Variants in FAT2 observed in about 807,000 individuals in gnomAD.
FAT2 encodes the protein protocadherin Fat 2.
A neutral mutation model predicts 295.3 loss-of-function variants in FAT2; 150 were observed. The observed-to-expected ratio is 0.51, with a 90% confidence interval of 0.44 to 0.58. FAT2 has a LOEUF of 0.58. Among genes scored for constraint, FAT2 ranks in the 20% least tolerant of loss-of-function variants. The pLI, the probability that FAT2 is intolerant of heterozygous loss-of-function variation, is 0.00. For synonymous variants in FAT2, 2,026 were observed against 2,150.3 expected (o/e 0.94, Z 1.60); for missense variants, 4,868 against 5,442.7 (o/e 0.89, Z 3.32).
upstream of FAT2, among the ~76,000 whole-genome samples, chr5:151,591,871 G>T (rs569213160): frequency 3.3e-5 from 5 of 152,284 alleles, no homozygotes; most frequent in African/African-American, 4.8e-5. Flanking sequence ...ATGAGATAAA[G>T]GTTGCTAAGA....
chr5:151,567,659 C>CCACTCT lies in FAT2; in HGVS notation c.1272_1273insAGAGTG (p.His424_Asp425insArgVal). ...ATGTGTAGCTGATAGTGGGCTCTGT[C>CCACTCT]GTGGAAGTCCATGAGCTTTGTGGTG... On this transcript the variant is annotated inframe_insertion, in exon 2 of 24. Coordinates refer to ENST00000261800, the MANE Select transcript of FAT2 (RefSeq NM_001447.3). 1.2e-6 allele frequency: 2 copies of CCACTCT among 1,614,060 alleles called. No homozygotes were observed. The highest frequency in any genetic ancestry group is 1.7e-6 in the Non-Finnish European group (2 of 1,180,012).
intron 1 of FAT2, among the ~76,000 whole-genome samples, chr5:151,581,371 G>T (rs1407946435): frequency 6.6e-6 from 1 of 152,154 alleles, no homozygotes; most frequent in Non-Finnish European, 1.5e-5. Flanking sequence ...TTATATCGGA[G>T]GGCCAAGCAG....
chr5:151,512,367 A>C lies in FAT2; in HGVS notation c.11703T>G (p.Ser3901=). ...CAAAGCCCTGGGAGACATTCGAGGA[A>C]GAATGCAACAGAATGAGGCCGCCCA... ...LLLGGLILLH[S]SSNVSQGFEG... Residue 3901 remains serine (S), a synonymous_variant, in exon 21 of 24, where the codon TCT becomes TCG. Transcript: ENST00000261800. The surrounding 1 kb of genome is among the most constrained non-coding windows in gnomAD (Gnocchi z 4.1). The C allele has an allele frequency of 1.2e-6, 2 of 1,614,240 alleles. No homozygotes were observed. The highest frequency in any genetic ancestry group is 4.5e-5 in the East Asian group (2 of 44,890).
chr5:151,577,521 A>T (rs1049437247), intron 1 of FAT2, among the ~76,000 whole-genome samples: 3 of 152,210 alleles, frequency 2.0e-5, no homozygotes, highest in Non-Finnish European at 4.4e-5. Flanking sequence ...AAGCGATATA[A>T]AGAAACGTTA....
upstream of FAT2, among the ~76,000 whole-genome samples, chr5:151,593,259 G>A (rs921170471): frequency 5.9e-5 from 9 of 152,214 alleles, no homozygotes; most frequent in South Asian, 6.2e-4. Flanking sequence ...GCAGCCCCAC[G>A]GGCCCTTTGA....
Position 151,505,940 on chromosome 5 carries a change from GC to G in FAT2, c.12674del (p.Gly4225AlafsTer27). ...TTTCCATCTCCAGGGGGAAGGGGAAGCCCCCATAGAGGCCATTAGGCTCTGG... is the reference window on the plus strand; with the variant it reads ...TTTCCATCTCCAGGGGGAAGGGGAAGCCCCATAGAGGCCATTAGGCTCTGG... ...VMPEPNGLYG[G>X]FPFPLEMENK... On this transcript the variant is annotated frameshift_variant, in exon 24 of 24. Transcript: ENST00000261800. LOFTEE classifies it high-confidence loss of function. 6.3e-7 allele frequency: 1 copy of G among 1,580,566 alleles called. No homozygotes were observed. Among genetic ancestry groups the G allele is most frequent in the Non-Finnish European group, 8.6e-7 (1 of 1,166,204 alleles).
At position 151,506,726 on chromosome 5, in the gene FAT2, G is replaced by A. The variant is rs149906963; in HGVS notation, c.12517+428C>T. On this transcript the variant is annotated intron_variant, in intron 23 of 23. Coordinates refer to ENST00000261800, the MANE Select transcript of FAT2 (RefSeq NM_001447.3). ...ATGCACCCCCTTTTGAGCCAAAGAT[G>A]AGAAGAAGGTGATATTCCCCCTCTA... Among the ~76,000 whole-genome samples, 12 of 152,346 alleles carry A rather than the reference G, an allele frequency of 7.9e-5. No homozygotes were observed. In the East Asian group the frequency reaches 1.2e-3, roughly 15 times the overall value.
rs761750752 is a variant in FAT2 at position 151,546,209 on chromosome 5, A to G, written c.4918T>C (p.Trp1640Arg). The G allele has an allele frequency of 1.4e-5, 22 of 1,614,144 alleles. No individual in the cohort carries two copies. Among genetic ancestry groups the G allele is most frequent in the Non-Finnish European group, 1.8e-5 (21 of 1,180,032 alleles). The part of the protein sequence containing the change: ...VKAEDQGSPQ[W>R]HDLATVIIHV... The stretch of plus-strand genomic sequence containing the variant: ...ATGATCACTGTAGCCAGGTCATGCC[A>G]TTGTGGGGAGCCTTGATCTTCTGCC... The change falls in exon 10 of 24, where the codon TGG (tryptophan) becomes CGG (arginine). Residue 1640 changes from tryptophan (W) to arginine (R), a missense_variant. By Grantham distance (101) the Trp-to-Arg change is moderately radical. Transcript: ENST00000261800.
chr5:151,506,730 A>C (rs1480750123), intron 23 of FAT2, among the ~76,000 whole-genome samples: 1 of 152,254 alleles, frequency 6.6e-6, no homozygotes, highest in Non-Finnish European at 1.5e-5. Flanking sequence ...AAAGATGAGA[A>C]GAAGGTGATA....
intron 1 of FAT2, among the ~76,000 whole-genome samples, chr5:151,580,820 C>A (rs971217039): frequency 6.6e-6 from 1 of 152,164 alleles, no homozygotes; most frequent in East Asian, 1.9e-4. Flanking sequence ...ATACATCTCC[C>A]GATCTTTTAT....
intron 14 of FAT2, among the ~76,000 whole-genome samples, chr5:151,530,018 A>G (rs941962646): frequency 6.6e-6 from 1 of 152,194 alleles, no homozygotes; most frequent in Non-Finnish European, 1.5e-5. Context: ...ACATCTTTTT[A>G]TAATTCAGTC....
chr5:151,579,361 CAGAAGTTTGAGA>C (rs1244852260), intron 1 of FAT2, among the ~76,000 whole-genome samples: 1 of 152,012 alleles, frequency 6.6e-6, no homozygotes, highest in Non-Finnish European at 1.5e-5. Context: ...TGCTTGAAGC[CAGAAGTTTGAGA>C]CCAGCTTAGG....
chr5:151,531,590 T>G lies in FAT2; in HGVS notation c.9808A>C (p.Thr3270Pro), dbSNP rs2127590993. 6.2e-7 allele frequency: 1 copy of G among 1,612,236 alleles called. No homozygotes were observed. ...GCTTGGTGGATCAGGCTCTCACCTG[T>G]GCGAGCATCCAGGCGGAACCTGCCT... ...EQGRFRLDAR[T>P]GILYVNASLD... The change falls in exon 14 of 24, where the codon ACA becomes CCA. Residue 3270 changes from threonine to proline, a missense_variant. Around this residue, in one of 5 missense-constraint regions of FAT2, gnomAD observed 1,046 missense variants for 1,210.1 expected, o/e 0.86. Coordinates refer to ENST00000261800, the MANE Select transcript of FAT2 (RefSeq NM_001447.3). The surrounding 1 kb of genome is among the most constrained non-coding windows in gnomAD (Gnocchi z 5.7).
At position 151,517,709 on chromosome 5, in the gene FAT2, G is replaced by C; in HGVS notation, c.11374C>G (p.Arg3792Gly). 6.2e-7 allele frequency: 1 copy of C among 1,614,174 alleles called. No individual in the cohort carries two copies. Among genetic ancestry groups the C allele is most frequent in the African/African-American group, 1.3e-5 (1 of 75,024 alleles). ...SYVRYRAPAA[R>G]NWHIHFYLKT... ...AGATAGAAATGGATGTGCCAGTTCC[G>C]AGCCGCTGGGGCCCTGTACCGCACA... is the stretch of plus-strand genomic sequence containing the variant. Residue 3792 changes from arginine (R) to glycine (G), a missense_variant, in exon 20 of 24, where the codon CGG (arginine) becomes GGG (glycine). This residue lies in a region of FAT2 where 1,046 missense variants were observed against 1,210.1 expected (regional missense o/e 0.86). Coordinates refer to ENST00000261800, the MANE Select transcript of FAT2 (RefSeq NM_001447.3).
Position 151,525,781 on chromosome 5 carries a change from T to G in FAT2, c.10493A>C (p.Gln3498Pro), listed in dbSNP as rs753330471. The G allele has an allele frequency of 6.2e-7, 1 of 1,614,088 alleles. No individual in the cohort carries two copies. The highest frequency in any genetic ancestry group is 8.5e-7 in the Non-Finnish European group (1 of 1,180,050). The change falls in exon 18 of 24, where the codon CAG (glutamine) becomes CCG (proline). Residue 3498 changes from glutamine to proline, a missense_variant. By Grantham distance (76) the Gln-to-Pro change is moderately conservative. Around this residue, in one of 5 missense-constraint regions of FAT2, gnomAD observed 1,046 missense variants for 1,210.1 expected, o/e 0.86. Coordinates refer to ENST00000261800, the MANE Select transcript of FAT2 (RefSeq NM_001447.3). ...GLSRRAQEWY[Q>P]LQIQASDSGI... Reference sequence around the variant, plus strand: ...CACAGCTCTCACCTGGATCTGAAGCTGATACCATTCCTGAGCCCTCCTGCT... The same window carrying G: ...CACAGCTCTCACCTGGATCTGAAGCGGATACCATTCCTGAGCCCTCCTGCT...
At chr5:151,528,337 T>G (rs1305591784) in intron 15 of FAT2, among the ~76,000 whole-genome samples, 1 of 152,214 alleles carries the variant, frequency 6.6e-6, no homozygotes, top group Non-Finnish European at 1.5e-5. Flanking sequence ...CACTCACCAT[T>G]CACTCTTGCT....
chr5:151,533,255 A>C (rs973101660), intron 13 of FAT2, among the ~76,000 whole-genome samples: 2 of 152,172 alleles, frequency 1.3e-5, no homozygotes, highest in Non-Finnish European at 2.9e-5. Flanking sequence ...GAGCACTTAC[A>C]GAGCCTTGCA....
chr5:151,565,548 A>C, intron 2 of FAT2, 125 bp downstream of exon 2: 1 of 915,070 alleles, frequency 1.1e-6, no homozygotes, highest in Non-Finnish European at 1.6e-6. Flanking sequence ...AAGAATCCCT[A>C]TTTATTGCCT....
rs1305481726 is a variant in FAT2, at chr5:151,537,891, T to A, written c.9095A>T (p.Lys3032Met). The A allele has an allele frequency of 6.2e-7, 1 of 1,614,126 alleles. No individual in the cohort carries two copies. ...EDVFPGHFILKVSATDLDTDT... is the reference protein window; with the variant it reads ...EDVFPGHFILMVSATDLDTDT... ...AGTGTCCAAGTCTGTGGCAGAAACC[T>A]TCAAAATGAAGTGTCCTGGAAATAC... Residue 3032 changes from lysine (K) to methionine (M), a missense_variant, in exon 12 of 24, where the codon AAG becomes ATG. Lys to Met is a moderately conservative substitution (Grantham distance 95, BLOSUM62 -1). Coordinates refer to ENST00000261800, the MANE Select transcript of FAT2 (RefSeq NM_001447.3).
Sources: allele counts gnomAD v4.1 joint callset (sites outside exome capture counted in the v4.1 genomes callset), GRCh38; gene constraint gnomAD v4.1.1; regional missense constraint gnomAD v4.1.1; non-coding constraint Gnocchi (gnomAD v3.1); transcripts MANE v1.5; gene names NCBI Gene and HGNC (gene_info 2026-07-23, HGNC 2026-07-21).